The following CTNNA2 variants were observed in gnomAD, a reference collection of about 807,000 sequenced individuals.
CTNNA2 encodes the protein catenin alpha-2.
CTNNA2 carries 42 observed loss-of-function variants against 101.0 expected under a neutral mutation model. The ratio of observed to expected loss-of-function variants is 0.42; its 90% CI spans 0.32 to 0.54. CTNNA2 has a LOEUF of 0.54. Ranked by LOEUF, CTNNA2 falls within the 20% of genes least tolerant of loss-of-function variation. The pLI, the probability that CTNNA2 is intolerant of heterozygous loss-of-function variation, is 0.14. For synonymous variants in CTNNA2, 450 were observed against 456.4 expected, an observed-to-expected ratio of 0.99 and a Z score of 0.18; for missense variants, 871 against 1,223.1, an observed-to-expected ratio of 0.71 and a Z score of 4.29.
At chr2:79,565,985 G>A (rs560721917) in intron 1 of CTNNA2, among the ~76,000 whole-genome samples, 3 of 152,104 alleles carry the variant, frequency 2.0e-5, no homozygotes, top group African/African-American at 4.8e-5. Flanking sequence ...GAAACAGCCC[G>A]AAAAGACAAA....
In CTNNA2 at chr2:80,433,309, A is replaced by C. The variant is rs555911928; in HGVS notation, c.1290+13708A>C. Among the ~76,000 whole-genome samples the C allele has an allele frequency of 9.5e-4, 144 of 152,188 alleles. 1 individual carries two copies. Among genetic ancestry groups the C allele is most frequent in the African/African-American group, 3.2e-3 (135 of 41,570 alleles). ...TCTTAGCCTCATCCCCGTCTGGGGA[A>C]GGGGCTCAGGTGGGAACCCCGCCAT... On this transcript the variant is annotated intron_variant, in intron 9 of 18. Transcript: ENST00000402739.
Position 80,626,762 on chromosome 2 carries a change from C to T in CTNNA2, c.2574+7534C>T, listed in dbSNP as rs570889370. On this transcript the variant is annotated intron_variant, in intron 18 of 18. Coordinates refer to ENST00000402739, the MANE Select transcript of CTNNA2 (RefSeq NM_001282597.3). ...TAAGTTCTGGGGTACATGTGCAGAA[C>T]GTACAGGTTTGTTACATAGGTATAC... 6.6e-5 allele frequency among the ~76,000 whole-genome samples: 10 copies of T among 152,054 alleles called. 1 individual carries two copies. The highest frequency in any genetic ancestry group is 1.9e-4 in the East Asian group (1 of 5,142).
intron 2 of CTNNA2, among the ~76,000 whole-genome samples, chr2:79,294,409 T>A (rs547895595): frequency 6.6e-6 from 1 of 152,250 alleles, no homozygotes; most frequent in African/African-American, 2.4e-5. Context: ...TTAAGTCCTA[T>A]CTGCAAATAC....
At chr2:80,092,627 C>T (rs999786816) in intron 7 of CTNNA2, among the ~76,000 whole-genome samples, 1 of 152,126 alleles carries the variant, frequency 6.6e-6, no homozygotes, top group African/African-American at 2.4e-5. Context: ...GCCCATCCCA[C>T]CCTGCTAACC....
chr2:79,222,468 T>A (rs553192416), intron 2 of CTNNA2, among the ~76,000 whole-genome samples: 15 of 152,272 alleles, frequency 9.9e-5, no homozygotes, highest in Non-Finnish European at 1.8e-4. Flanking sequence ...CACGTGGCAG[T>A]GAGGAGCAGG....
At chr2:79,601,449 A>C (rs923587335) in intron 1 of CTNNA2, among the ~76,000 whole-genome samples, 12 of 152,214 alleles carry the variant, frequency 7.9e-5, no homozygotes, top group Non-Finnish European at 1.8e-4. Flanking sequence ...CATACTCTGC[A>C]ACTGGCATTG....
At chr2:80,310,755 T>G (rs1333871547) in intron 7 of CTNNA2, among the ~76,000 whole-genome samples, 1 of 152,110 alleles carries the variant, frequency 6.6e-6, no homozygotes, top group South Asian at 2.1e-4. Flanking sequence ...GTGGATCACT[T>G]GAGGTCAGGA....
chr2:79,342,736 G>C (rs1677165741), intron 3 of CTNNA2, among the ~76,000 whole-genome samples: 1 of 152,136 alleles, frequency 6.6e-6, no homozygotes. Context: ...CCTACCTGCA[G>C]ATCCTCTCAT....
intron 1 of CTNNA2, among the ~76,000 whole-genome samples, chr2:79,615,831 T>A (rs1678580663): frequency 6.6e-6 from 1 of 152,162 alleles, no homozygotes; most frequent in Non-Finnish European, 1.5e-5. Flanking sequence ...TGTGTGTTTG[T>A]ATGTGCGTGT....
chr2:79,433,411 G>C (rs1327432447), intron 4 of CTNNA2, among the ~76,000 whole-genome samples: 2 of 152,076 alleles, frequency 1.3e-5, no homozygotes, highest in African/African-American at 4.8e-5. Flanking sequence ...GGGGGTGCTT[G>C]TGCCTAACAG....
At chr2:79,220,908 A>T (rs548535214) in intron 2 of CTNNA2, among the ~76,000 whole-genome samples, 8 of 152,274 alleles carry the variant, frequency 5.3e-5, no homozygotes, top group African/African-American at 1.9e-4. Context: ...GGGATCATAG[A>T]TTAGGTGATA....
intron 7 of CTNNA2, among the ~76,000 whole-genome samples, chr2:80,224,806 T>A (rs1708779321): frequency 6.6e-6 from 1 of 152,098 alleles, no homozygotes; most frequent in Non-Finnish European, 1.5e-5. Context: ...TTAGGCCCTC[T>A]TCAGTCAATT....
At position 79,941,968 on chromosome 2, in the gene CTNNA2, A is replaced by T. The variant is rs189503012; in HGVS notation, c.1056+32171A>T. Among the ~76,000 whole-genome samples the T allele has an allele frequency of 4.0e-4, 61 of 152,286 alleles. 3 individuals carry two copies. In the East Asian group the frequency reaches 6.9e-3, roughly 17 times the overall value. On this transcript the variant is annotated intron_variant, in intron 7 of 18. Coordinates refer to ENST00000402739, the MANE Select transcript of CTNNA2 (RefSeq NM_001282597.3). ...TGTAGAAATTCTTAAAGATCCTACAATCCAAATTCTCATATTGTAATTAAT... is the reference window on the plus strand; with the variant it reads ...TGTAGAAATTCTTAAAGATCCTACATTCCAAATTCTCATATTGTAATTAAT...
chr2:80,348,097 A>G (rs982877879), intron 7 of CTNNA2, among the ~76,000 whole-genome samples: 2 of 152,066 alleles, frequency 1.3e-5, no homozygotes, highest in East Asian at 3.9e-4. Context: ...GCACATGTGA[A>G]TGGTGAAGAG....
chr2:80,391,190 G>A (rs1166492858), intron 7 of CTNNA2, among the ~76,000 whole-genome samples: 2 of 150,930 alleles, frequency 1.3e-5, no homozygotes, highest in Admixed American at 6.6e-5. Context: ...TGATGACTGA[G>A]TTCCTTGGTG....
intron 7 of CTNNA2, among the ~76,000 whole-genome samples, chr2:79,962,732 T>C (rs1443208738): frequency 6.6e-6 from 1 of 152,144 alleles, no homozygotes; most frequent in Non-Finnish European, 1.5e-5. Flanking sequence ...TTGGTGCACA[T>C]TGGAGCCAGG....
chr2:79,989,184 A>G (rs1012958768), intron 7 of CTNNA2, among the ~76,000 whole-genome samples: 9 of 152,222 alleles, frequency 5.9e-5, no homozygotes, highest in Admixed American at 3.3e-4. Context: ...TAACGGTTTC[A>G]TAATTCAAAT....
At chr2:79,905,496 C>T (rs142694024) in intron 6 of CTNNA2, among the ~76,000 whole-genome samples, 125 of 152,244 alleles carry the variant, frequency 8.2e-4, no homozygotes, top group African/African-American at 2.9e-3. Flanking sequence ...ACTTTTGCTG[C>T]GAAGGGAGAG....
chr2:79,653,782 G>T (rs73938764), intron 2 of CTNNA2, among the ~76,000 whole-genome samples: 7,853 of 152,074 alleles, frequency 0.052, 572 homozygotes, highest in African/African-American at 0.16. Flanking sequence ...ACAGCAAGAA[G>T]AAACCAGGCC....
Sources: allele counts gnomAD v4.1 joint callset (sites outside exome capture counted in the v4.1 genomes callset), GRCh38; gene constraint gnomAD v4.1.1; transcripts MANE v1.5; gene names NCBI Gene and HGNC (gene_info 2026-07-23, HGNC 2026-07-21).